Variants in IKZF1 observed in about 807,000 individuals in gnomAD.
The protein encoded by IKZF1 is IKAROS family zinc finger 1, also known as DNA-binding protein Ikaros.
Under a neutral mutation model 51.7 loss-of-function variants are expected in IKZF1, and 10 were observed. That is an observed-to-expected ratio of 0.19 (90% CI 0.12 to 0.33). The LOEUF is 0.33. IKZF1 is among the 10% of genes least tolerant of loss of function. IKZF1 has a pLI of 1.00. For synonymous variants in IKZF1, 280 were observed against 282.3 expected, an observed-to-expected ratio of 0.99 and a Z score of 0.08; for missense variants, 484 against 707.5, an observed-to-expected ratio of 0.68 and a Z score of 3.58.
At chr7:50,340,099 G>C (rs940603337) in intron 3 of IKZF1, among the ~76,000 whole-genome samples, 1 of 152,134 alleles carries the variant, frequency 6.6e-6, no homozygotes, top group Non-Finnish European at 1.5e-5. Context: ...GGATACTTTC[G>C]CAGTAAGGGC....
At position 50,333,239 on chromosome 7, in the gene IKZF1, T is replaced by A. The variant is rs944802882; in HGVS notation, c.160+5482T>A. ...AGTTCTAAGACTGCAGTGGGAATTG[T>A]AAGAGGATTACCATATTTTAAATTG... On this transcript the variant is annotated intron_variant, in intron 3 of 7. Coordinates refer to ENST00000331340, the MANE Select transcript of IKZF1 (RefSeq NM_006060.6). 3.3e-5 allele frequency among the ~76,000 whole-genome samples: 5 copies of A among 151,114 alleles called. No individual in the cohort carries two copies. In the East Asian group the frequency reaches 9.8e-4, roughly 30 times the overall value.
At chr7:50,384,682 C>T (rs1812863259) in intron 5 of IKZF1, among the ~76,000 whole-genome samples, 1 of 152,222 alleles carries the variant, frequency 6.6e-6, no homozygotes, top group Admixed American at 6.5e-5. Context: ...CCATGGAGGC[C>T]TCAGCTAAGA....
intron 4 of IKZF1, among the ~76,000 whole-genome samples, chr7:50,379,616 A>G (rs1251303631): frequency 6.6e-6 from 1 of 152,204 alleles, no homozygotes; most frequent in Non-Finnish European, 1.5e-5. Flanking sequence ...TATTCTAAAT[A>G]ATGGGATTTT....
In IKZF1 at chr7:50,340,311, G is replaced by T. The variant is rs1252072043; in HGVS notation, c.160+12554G>T. 2.6e-5 allele frequency among the ~76,000 whole-genome samples: 4 copies of T among 152,342 alleles called. No homozygotes were observed. The South Asian group carries it at 6.2e-4, about 24-fold the overall frequency. ...CAGGTCTAGGGTGTGTCTCCGCAAG[G>T]CCTGCTGCCAGGAGAGTACTTCCCC... On this transcript the variant is annotated intron_variant, in intron 3 of 7. Transcript: ENST00000331340.
At position 50,341,495 on chromosome 7, in the gene IKZF1, A is replaced by G. The variant is rs954530281; in HGVS notation, c.160+13738A>G. The stretch of plus-strand genomic sequence containing the variant: ...AGGCAGACAGTCCTAGCCCAGCTTT[A>G]TGCCTTATGAGACGCAACAACGTTG... On this transcript the variant is annotated intron_variant, in intron 3 of 7. Coordinates refer to ENST00000331340, the MANE Select transcript of IKZF1 (RefSeq NM_006060.6). Among the ~76,000 whole-genome samples the G allele has an allele frequency of 2.2e-4, 33 of 152,210 alleles. No individual in the cohort carries two copies. In the East Asian group the frequency reaches 2.9e-3, roughly 13 times the overall value.
intron 3 of IKZF1, among the ~76,000 whole-genome samples, chr7:50,364,206 GC>G (rs1339885934): frequency 6.6e-6 from 1 of 152,152 alleles, no homozygotes; most frequent in Non-Finnish European, 1.5e-5. Flanking sequence ...AGTGACAACG[GC>G]ACAAGAAGTT....
intron 1 of IKZF1, 81 bp from the exon 2 acceptor site, chr7:50,318,967 A>G: frequency 2.4e-6 from 2 of 848,534 alleles, no homozygotes; most frequent in South Asian, 2.8e-5. Flanking sequence ...TAAATAGCAT[A>G]GGGGTTCTTT....
intron 1 of IKZF1, among the ~76,000 whole-genome samples, chr7:50,306,719 C>G (rs1199497376): frequency 6.6e-6 from 1 of 152,192 alleles, no homozygotes; most frequent in Non-Finnish European, 1.5e-5. Context: ...GTCTAAAGCC[C>G]TGTTGTACTG....
At chr7:50,373,638 A>T (rs1351551444) in intron 3 of IKZF1, among the ~76,000 whole-genome samples, 11 of 152,210 alleles carry the variant, frequency 7.2e-5, no homozygotes, top group Admixed American at 7.2e-4. Context: ...ATCTCATTTT[A>T]AAAACCACAA....
intron 3 of IKZF1, among the ~76,000 whole-genome samples, chr7:50,354,568 T>C (rs1683026443): frequency 1.3e-5 from 2 of 152,240 alleles, no homozygotes; most frequent in South Asian, 4.1e-4. Context: ...CTTTGTACTG[T>C]ACGTTTTTGT....
intron 3 of IKZF1, chr7:50,368,652 A>C: frequency 3.2e-6 from 1 of 313,694 alleles, no homozygotes; most frequent in Non-Finnish European, 5.8e-6. Context: ...ACAGATGTGA[A>C]TTTCATTTTT....
chr7:50,321,718 T>A (rs759545091), intron 2 of IKZF1, among the ~76,000 whole-genome samples: 2 of 152,134 alleles, frequency 1.3e-5, no homozygotes, highest in Non-Finnish European at 2.9e-5. Context: ...ATATAAGGAA[T>A]AGCCCCTCAG....
chr7:50,309,431 A>G (rs1789626352), intron 1 of IKZF1, among the ~76,000 whole-genome samples: 1 of 151,564 alleles, frequency 6.6e-6, no homozygotes. Context: ...CCTTCCCTCC[A>G]TTTGCCTTGC....
At chr7:50,313,974 A>G (rs1214167533) in intron 1 of IKZF1, among the ~76,000 whole-genome samples, 1 of 152,208 alleles carries the variant, frequency 6.6e-6, no homozygotes, top group Non-Finnish European at 1.5e-5. Context: ...CTGGCACACT[A>G]AAAATACTCA....
intron 6 of IKZF1, among the ~76,000 whole-genome samples, chr7:50,391,206 G>C (rs1814945748): frequency 6.6e-6 from 1 of 152,164 alleles, no homozygotes; most frequent in African/African-American, 2.4e-5. Context: ...GGAGTTTGTT[G>C]TATGCTCAGG....
intron 3 of IKZF1, chr7:50,367,650 A>C (rs904299084): frequency 5.1e-6 from 1 of 196,880 alleles, no homozygotes. Flanking sequence ...GTGCTGTCCC[A>C]GGAGATGCTC....
At chr7:50,306,705 A>G (rs929603726) in intron 1 of IKZF1, among the ~76,000 whole-genome samples, 2 of 152,242 alleles carry the variant, frequency 1.3e-5, no homozygotes, top group Non-Finnish European at 2.9e-5. Context: ...GTATTAGCCA[A>G]GAGGTCTAAA....
rs757521297 is a variant in IKZF1, at chr7:50,382,545, C to A, written c.427C>A (p.Arg143=). 6.2e-7 allele frequency: 1 copy of A among 1,612,084 alleles called. No individual in the cohort carries two copies. The part of the protein sequence containing the change: ...MVHKRSHTGE[R]PFQCNQCGAS... ...CTCTCCTCTCTCCGTCCCAGGAGAA[C>A]GGCCCTTCCAGTGCAATCAGTGCGG... The change falls in exon 5 of 8, where the codon CGG becomes AGG. Residue 143 remains arginine, a synonymous_variant. Transcript: ENST00000331340.
chr7:50,332,762 G>T (rs1472627288), intron 3 of IKZF1, among the ~76,000 whole-genome samples: 5 of 152,144 alleles, frequency 3.3e-5, no homozygotes, highest in African/African-American at 4.8e-5. Context: ...TTGATAATCG[G>T]GACAACCTCA....
Sources: allele counts gnomAD v4.1 joint callset (sites outside exome capture counted in the v4.1 genomes callset), GRCh38; gene constraint gnomAD v4.1.1; transcripts MANE v1.5; gene names NCBI Gene and HGNC (gene_info 2026-07-23, HGNC 2026-07-21).